The following GNAQ variants were observed in gnomAD, a reference collection of about 807,000 sequenced individuals.
The protein encoded by GNAQ is guanine nucleotide-binding protein G(q) subunit alpha.
Under a neutral mutation model 43.9 loss-of-function variants are expected in GNAQ, and 8 were observed. The ratio of observed to expected loss-of-function variants is 0.18; its 90% CI spans 0.11 to 0.33. The LOEUF (loss-of-function observed/expected upper bound fraction) is 0.33. Ranked by LOEUF, GNAQ falls within the 10% of genes least tolerant of loss-of-function variation. The pLI, the probability that GNAQ is intolerant of heterozygous loss-of-function variation, is 1.00. For missense variants in GNAQ, 158 were observed against 450.8 expected, an observed-to-expected ratio of 0.35 and a Z score of 5.88; for synonymous variants, 155 against 170.7, an observed-to-expected ratio of 0.91 and a Z score of 0.71.
chr9:78,011,800 TAACAGCTTTGGCAGAGA>T (rs1165837312), intron 1 of GNAQ, among the ~76,000 whole-genome samples: 2 of 152,052 alleles, frequency 1.3e-5, no homozygotes, highest in Non-Finnish European at 2.9e-5. Context: ...AGAGGGAAGC[TAACAGCTTTGGCAGAGA>T]AACAACAAAA....
At chr9:78,030,887 C>G (rs1457760313) in intron 1 of GNAQ, among the ~76,000 whole-genome samples, 2 of 146,156 alleles carry the variant, frequency 1.4e-5, no homozygotes, top group East Asian at 2.1e-4. Context: ...GTGTGTGTCG[C>G]TGTGTGTGTG....
At chr9:77,770,446 A>G (rs1826205957) in intron 5 of GNAQ, among the ~76,000 whole-genome samples, 1 of 152,226 alleles carries the variant, frequency 6.6e-6, no homozygotes. Flanking sequence ...AGTGCCTGCC[A>G]GAATAAAAAA....
chr9:77,954,894 AC>A (rs1434416235), intron 1 of GNAQ, among the ~76,000 whole-genome samples: 4 of 152,308 alleles, frequency 2.6e-5, no homozygotes, highest in African/African-American at 9.6e-5. Context: ...AATAGTAGTC[AC>A]CAGAGAAAAT....
At chr9:77,829,914 T>C (rs1182705424) in intron 2 of GNAQ, among the ~76,000 whole-genome samples, 1 of 152,112 alleles carries the variant, frequency 6.6e-6, no homozygotes, top group Non-Finnish European at 1.5e-5. Flanking sequence ...ATCCCACCAT[T>C]GAACATTGTG....
intron 1 of GNAQ, among the ~76,000 whole-genome samples, chr9:78,012,416 C>T (rs10156550): frequency 0.016 from 2,361 of 151,914 alleles, 60 homozygotes; most frequent in African/African-American, 0.053. Context: ...ACCATGTTGG[C>T]CAGGTTGGTC....
In GNAQ at chr9:77,786,337, C is replaced by T. The variant is rs190716176; in HGVS notation, c.735+8126G>A. On this transcript the variant is annotated intron_variant, in intron 5 of 6. Transcript: ENST00000286548. ...AGCTTGCAGCGAGCCGAGATGGTGA[C>T]AGAGTGAGACTCTGTCTCAAAAAAA... 4.8e-3 allele frequency among the ~76,000 whole-genome samples: 661 copies of T among 137,010 alleles called. 1 individual carries two copies. Among genetic ancestry groups the T allele is most frequent in the Non-Finnish European group, 7.4e-3 (482 of 65,482 alleles). 89.9% of individuals were successfully genotyped at this position (137,010 alleles called of 152,430 possible).
At chr9:77,756,670 C>G (rs900149242) in intron 5 of GNAQ, among the ~76,000 whole-genome samples, 1 of 152,214 alleles carries the variant, frequency 6.6e-6, no homozygotes, top group Non-Finnish European at 1.5e-5. Flanking sequence ...AAATGCACAT[C>G]TGCATTCTTG....
intron 2 of GNAQ, among the ~76,000 whole-genome samples, chr9:77,921,694 T>C (rs1303095388): frequency 1.3e-5 from 2 of 152,204 alleles, no homozygotes; most frequent in East Asian, 1.9e-4. Context: ...AAATGAAGCC[T>C]GTGGTACTAC....
chr9:77,904,149 T>C (rs1828663581), intron 2 of GNAQ, among the ~76,000 whole-genome samples: 1 of 152,048 alleles, frequency 6.6e-6, no homozygotes, highest in South Asian at 2.1e-4. Context: ...GTGTGGAAGA[T>C]TAATGATCTA....
intron 2 of GNAQ, among the ~76,000 whole-genome samples, chr9:77,919,465 G>A (rs1260889645): frequency 6.6e-6 from 1 of 152,102 alleles, no homozygotes; most frequent in Non-Finnish European, 1.5e-5. Context: ...AGCACTATGA[G>A]GGGCTGGGAA....
intron 2 of GNAQ, among the ~76,000 whole-genome samples, chr9:77,866,159 T>A (rs1161620113): frequency 6.6e-6 from 1 of 152,170 alleles, no homozygotes. Flanking sequence ...GCTGGTAGAA[T>A]AAAGTTGGGC....
chr9:77,874,116 AC>A (rs1165029358), intron 2 of GNAQ, among the ~76,000 whole-genome samples: 4 of 141,606 alleles, frequency 2.8e-5, no homozygotes, highest in East Asian at 2.1e-4. Context: ...AAAAAAAAAA[AC>A]AAAAAAACAA....
At chr9:77,888,936 GAA>G (rs1828354689) in intron 2 of GNAQ, among the ~76,000 whole-genome samples, 1 of 152,014 alleles carries the variant, frequency 6.6e-6, no homozygotes, top group Non-Finnish European at 1.5e-5. Flanking sequence ...AATCAAATTA[GAA>G]AATCAAAAAA....
At chr9:77,770,215 T>C (rs926129285) in intron 5 of GNAQ, among the ~76,000 whole-genome samples, 2 of 152,230 alleles carry the variant, frequency 1.3e-5, no homozygotes, top group African/African-American at 4.8e-5. Flanking sequence ...TTTACAATTA[T>C]AGGGTTTTTT....
At chr9:77,772,860 C>T (rs1264154589) in intron 5 of GNAQ, among the ~76,000 whole-genome samples, 5 of 152,186 alleles carry the variant, frequency 3.3e-5, no homozygotes. Flanking sequence ...AAGGAACTGT[C>T]TTGGGCCACA....
intron 1 of GNAQ, among the ~76,000 whole-genome samples, chr9:78,024,156 T>C (rs1298576368): frequency 6.6e-6 from 1 of 152,214 alleles, no homozygotes; most frequent in South Asian, 2.1e-4. Flanking sequence ...GATCAATTGC[T>C]ATTGGCTTTT....
At chr9:77,808,738 A>T (rs1363129914) in intron 3 of GNAQ, among the ~76,000 whole-genome samples, 1 of 152,140 alleles carries the variant, frequency 6.6e-6, no homozygotes, top group Non-Finnish European at 1.5e-5. Flanking sequence ...ATGTCTGAGG[A>T]AAGTGACGCT....
intron 5 of GNAQ, 106 bp downstream of exon 5, chr9:77,794,357 G>A: frequency 1.3e-6 from 1 of 741,658 alleles, no homozygotes; most frequent in Non-Finnish European, 2.1e-6. Flanking sequence ...CAAATTTCAA[G>A]AAAGCAAAGA....
At chr9:77,731,789 C>T (rs927465535) in intron 5 of GNAQ, among the ~76,000 whole-genome samples, 2 of 152,140 alleles carry the variant, frequency 1.3e-5, no homozygotes, top group Admixed American at 6.5e-5. Context: ...GCTTGCCAAG[C>T]CCAGGACAAC....
Sources: allele counts gnomAD v4.1 joint callset (sites outside exome capture counted in the v4.1 genomes callset), GRCh38; gene constraint gnomAD v4.1.1; transcripts MANE v1.5; gene names NCBI Gene and HGNC (gene_info 2026-07-23, HGNC 2026-07-21).